RERE: variants seen among roughly 807,000 people sequenced by gnomAD.
RERE encodes arginine-glutamic acid dipeptide repeats protein.
Under a neutral mutation model 146.1 loss-of-function variants are expected in RERE, and 40 were observed. The ratio of observed to expected loss-of-function variants is 0.27; its 90% confidence interval spans 0.21 to 0.36. The LOEUF is 0.36. Among genes scored for constraint, RERE ranks in the 10% least tolerant of loss-of-function variants. The pLI, the probability that RERE is intolerant of heterozygous loss-of-function variation, is 1.00. For synonymous variants in RERE, 1,003 were observed against 866.0 expected, an observed-to-expected ratio of 1.16 and a Z score of -2.78; for missense variants, 1,933 against 2,138.7, an observed-to-expected ratio of 0.90 and a Z score of 1.90.
chr1:8,544,954 G>A (rs990676236), intron 6 of RERE, among the ~76,000 whole-genome samples: 5 of 152,136 alleles, frequency 3.3e-5, no homozygotes, highest in African/African-American at 4.8e-5. Flanking sequence ...AAATCAACTC[G>A]TGATGAACAG....
intron 1 of RERE, among the ~76,000 whole-genome samples, chr1:8,774,787 TAAC>T (rs1292823709): frequency 6.6e-6 from 1 of 152,064 alleles, no homozygotes; most frequent in Non-Finnish European, 1.5e-5. Flanking sequence ...GACATAAACA[TAAC>T]AAACATGAAC....
At chr1:8,555,175 T>C (rs527832691) in intron 6 of RERE, among the ~76,000 whole-genome samples, 2 of 152,356 alleles carry the variant, frequency 1.3e-5, no homozygotes, top group East Asian at 3.9e-4. Context: ...GCCTGCTTCC[T>C]GTGGCCTGAG....
chr1:8,480,300 C>G (rs1317328333), intron 10 of RERE, among the ~76,000 whole-genome samples: 1 of 151,102 alleles, frequency 6.6e-6, no homozygotes, highest in African/African-American at 2.4e-5. Flanking sequence ...CCACCACACC[C>G]GACTAATTTT....
chr1:8,430,277 G>A (rs1644078385), intron 11 of RERE, among the ~76,000 whole-genome samples: 1 of 152,190 alleles, frequency 6.6e-6, no homozygotes, highest in South Asian at 2.1e-4. Context: ...AATAGCAACA[G>A]AACCAATTTG....
At chr1:8,735,124 T>C (rs1453199571) in intron 1 of RERE, among the ~76,000 whole-genome samples, 1 of 152,216 alleles carries the variant, frequency 6.6e-6, no homozygotes, top group Non-Finnish European at 1.5e-5. Flanking sequence ...ATCCTAGTTT[T>C]ATTGACAGTA....
In RERE at chr1:8,813,632, T is replaced by C. The variant is rs1254183764; in HGVS notation, c.-145+3528A>G. On this transcript the variant is annotated intron_variant, in intron 1 of 22. Transcript: ENST00000400908. Reference sequence around the variant, plus strand: ...TTTTTTCCTTTTTTTTTTTTTTTTTTTAGACAGAGTCTCGCTGTGTCACCC... The same window carrying C: ...TTTTTTCCTTTTTTTTTTTTTTTTTCTAGACAGAGTCTCGCTGTGTCACCC... Among the ~76,000 whole-genome samples the C allele has an allele frequency of 2.7e-5, 4 of 150,470 alleles. No homozygotes were observed. The East Asian group carries it at 7.8e-4, about 29-fold the overall frequency.
intron 1 of RERE, among the ~76,000 whole-genome samples, chr1:8,663,330 G>A (rs1310582151): frequency 6.6e-6 from 1 of 152,130 alleles, no homozygotes; most frequent in Non-Finnish European, 1.5e-5. Context: ...AGTGAGCGAA[G>A]TCCTCCAGTT....
chr1:8,362,641 G>A (rs758032468), intron 16 of RERE, 42 bp downstream of exon 16: 1 of 1,612,052 alleles, frequency 6.2e-7, no homozygotes, highest in African/African-American at 1.3e-5. Context: ...TTTAATGTGA[G>A]GGAGGGACAG....
chr1:8,640,455 C>T (rs756670044), intron 2 of RERE, among the ~76,000 whole-genome samples: 5 of 152,188 alleles, frequency 3.3e-5, no homozygotes, highest in Non-Finnish European at 7.3e-5. Flanking sequence ...TTACACATTA[C>T]ACTATCACTC....
chr1:8,680,161 A>G (rs1406850354), intron 1 of RERE, among the ~76,000 whole-genome samples: 1 of 152,182 alleles, frequency 6.6e-6, no homozygotes, highest in Non-Finnish European at 1.5e-5. Context: ...CCTGGTGGAA[A>G]ATGGAGAAAG....
At chr1:8,578,101 A>C (rs745428587) in intron 4 of RERE, among the ~76,000 whole-genome samples, 1 of 152,146 alleles carries the variant, frequency 6.6e-6, no homozygotes, top group Non-Finnish European at 1.5e-5. Flanking sequence ...GGAAAGAAAA[A>C]AAAAAGGGCG....
chr1:8,361,081 T>C lies in RERE; in HGVS notation c.2426A>G (p.Gln809Arg). ...HIQQAPALHP[Q>R]RPPSPHPPPH... is the part of the protein sequence containing the mutation. ...CGGGGGATGCGGTGAGGGCGGCCGC[T>C]GGGGGTGCAAGGCCGGTGCCTGTTG... Residue 809 changes from glutamine to arginine, a missense_variant, in exon 18 of 23, where the codon CAG becomes CGG. This residue lies in a region of RERE where 1,255 missense variants were observed against 1,153.8 expected (regional missense o/e 1.09). Transcript: ENST00000400908. 7.0e-7 allele frequency: 1 copy of C among 1,434,894 alleles called. No individual in the cohort carries two copies. The highest frequency in any genetic ancestry group is 1.5e-5 in the African/African-American group (1 of 68,772). The allele number at this position is 1,434,894 out of a possible 1,614,324, so 88.9% of individuals were successfully genotyped here.
chr1:8,736,492 C>G (rs1000631943), intron 1 of RERE, among the ~76,000 whole-genome samples: 21 of 152,132 alleles, frequency 1.4e-4, no homozygotes, highest in African/African-American at 5.1e-4. Context: ...CAGGTGTGAG[C>G]CACCGCGCCC....
chr1:8,752,905 TATTAA>T lies in RERE; in HGVS notation c.-145+64250_-145+64254del, dbSNP rs1332323708. The stretch of plus-strand genomic sequence containing the variant: ...TTTAAAGAAACTTTTGATTAGACAT[TATTAA>T]ATTGTGTATTGTTTTAAAACAATAA... On this transcript the variant is annotated intron_variant, in intron 1 of 22. Coordinates refer to ENST00000400908, the MANE Select transcript of RERE (RefSeq NM_001042681.2). Among the ~76,000 whole-genome samples, 6 of 152,300 alleles carry T rather than the reference TATTAA, an allele frequency of 3.9e-5. No individual in the cohort carries two copies. In the East Asian group the frequency reaches 5.8e-4, roughly 15 times the overall value.
intron 1 of RERE, among the ~76,000 whole-genome samples, chr1:8,678,574 T>C (rs1638895643): frequency 7.0e-6 from 1 of 143,814 alleles, no homozygotes; most frequent in Admixed American, 6.7e-5. Flanking sequence ...AGGAACCGAA[T>C]CGATTGAACC....
intron 8 of RERE, among the ~76,000 whole-genome samples, chr1:8,503,742 G>C (rs1185412874): frequency 6.6e-6 from 1 of 152,134 alleles, no homozygotes; most frequent in Non-Finnish European, 1.5e-5. Flanking sequence ...CAACAATTGA[G>C]CTGGTTCTAC....
intron 8 of RERE, among the ~76,000 whole-genome samples, chr1:8,507,361 C>T (rs551178055): frequency 6.6e-6 from 1 of 152,306 alleles, no homozygotes; most frequent in South Asian, 2.1e-4. Context: ...ACACAGCAAC[C>T]CTCTGACTGA....
At position 8,391,033 on chromosome 1, in the gene RERE, T is replaced by A. The variant is rs1054078404; in HGVS notation, c.1285-25059A>T. Among the ~76,000 whole-genome samples, 2 of 152,244 alleles carry A rather than the reference T, an allele frequency of 1.3e-5. 1 individual carries two copies. Among genetic ancestry groups the A allele is most frequent in the South Asian group, 4.2e-4 (2 of 4,806 alleles). ...GGTCACCTTCCATGATCACACTGAC[T>A]CCTACCTGGCGCTCAGTTTCCACTC... On this transcript the variant is annotated intron_variant, in intron 12 of 22. Transcript: ENST00000400908.
At chr1:8,416,333 C>T (rs189981633) in intron 12 of RERE, among the ~76,000 whole-genome samples, 1 of 152,202 alleles carries the variant, frequency 6.6e-6, no homozygotes, top group Admixed American at 6.5e-5. Flanking sequence ...CACCTGTAAT[C>T]CCAGCACTTT....
Sources: gnomAD v4.1 joint callset for allele counts (sites outside exome capture counted in the v4.1 genomes callset) on GRCh38, gnomAD v4.1.1 for gene constraint, gnomAD v4.1.1 regional missense constraint, MANE v1.5 for transcripts, NCBI Gene and HGNC (gene_info 2026-07-23, HGNC 2026-07-21) for gene names.